SETD3: variants seen among roughly 807,000 people sequenced by gnomAD.
SETD3 encodes actin-histidine N-methyltransferase.
SETD3 carries 19 observed loss-of-function variants against 63.0 expected under a neutral mutation model. The ratio of observed to expected loss-of-function variants is 0.30; its 90% CI spans 0.21 to 0.44. The LOEUF (loss-of-function observed/expected upper bound fraction) is 0.44. SETD3 is among the 20% of genes least tolerant of loss of function. The probability of loss-of-function intolerance (pLI) is 1.00; values close to 1 mark genes in which losing one functional copy is unlikely to be tolerated. For synonymous variants in SETD3, 286 were observed against 264.1 expected, an observed-to-expected ratio of 1.08 and a Z score of -0.80; for missense variants, 587 against 728.5, an observed-to-expected ratio of 0.81 and a Z score of 2.24.
At chr14:99,451,565 G>T (rs1443709905) in intron 6 of SETD3, among the ~76,000 whole-genome samples, 1 of 152,104 alleles carries the variant, frequency 6.6e-6, no homozygotes, top group Non-Finnish European at 1.5e-5. Context: ...GGAGTACAGT[G>T]GTGTGATCAC....
intron 1 of SETD3, among the ~76,000 whole-genome samples, 162 bp from the exon 2 acceptor site, chr14:99,465,975 C>T (rs1022874716): frequency 6.6e-6 from 1 of 151,800 alleles, no homozygotes; most frequent in Non-Finnish European, 1.5e-5. Flanking sequence ...GTATTAGTAT[C>T]TAGAGGTTCT....
At chr14:99,484,043 TAAAA>T (rs957766345), upstream of SETD3, among the ~76,000 whole-genome samples, 1 of 152,150 alleles carries the variant, frequency 6.6e-6, no homozygotes. Context: ...TCAAAAAAAA[TAAAA>T]AATAAATAAA....
intron 1 of SETD3, among the ~76,000 whole-genome samples, chr14:99,468,137 C>T (rs889929508): frequency 2.0e-5 from 3 of 149,184 alleles, no homozygotes; most frequent in African/African-American, 7.4e-5. Context: ...ACCACACTGC[C>T]TCTGTTTAAA....
At chr14:99,447,542 C>A (rs117064668) in intron 6 of SETD3, among the ~76,000 whole-genome samples, 1 of 152,230 alleles carries the variant, frequency 6.6e-6, no homozygotes, top group African/African-American at 2.4e-5. Flanking sequence ...TGCTTACACA[C>A]TGAACACAAA....
chr14:99,477,380 T>C (rs1244051282), intron 1 of SETD3, among the ~76,000 whole-genome samples: 1 of 152,238 alleles, frequency 6.6e-6, no homozygotes, highest in Non-Finnish European at 1.5e-5. Context: ...AGCTAATCTC[T>C]GGCTTGAGTT....
At chr14:99,481,629 T>C (rs1460621484), upstream of SETD3, 1 of 385,412 alleles carries the variant, frequency 2.6e-6, no homozygotes, top group Non-Finnish European at 4.6e-6. Context: ...ACATTGAACT[T>C]TGCGGGCGAC....
Position 99,412,935 on chromosome 14 carries a change from G to T in SETD3, c.849+16C>A. The T allele has an allele frequency of 6.5e-7, 1 of 1,544,898 alleles. No homozygotes were observed. The highest frequency in any genetic ancestry group is 9.0e-7 in the Non-Finnish European group (1 of 1,116,948). ...GCCTCCCAGATTCAACACAACACAG[G>T]GGAAGAGGTCGTTACCAGGCCGTTG... On this transcript the variant is annotated intron_variant, in intron 8 of 12. Transcript: ENST00000331768.
chr14:99,459,306 T>C (rs990876022), intron 4 of SETD3, 121 bp from the exon 5 acceptor site: 1 of 542,158 alleles, frequency 1.8e-6, no homozygotes, highest in African/African-American at 1.9e-5. Flanking sequence ...ATATCAGCAC[T>C]TCAAATAAAT....
intron 1 of SETD3, among the ~76,000 whole-genome samples, chr14:99,476,582 A>G (rs1464983245): frequency 2.6e-5 from 4 of 152,248 alleles, no homozygotes; most frequent in African/African-American, 9.6e-5. Flanking sequence ...ACAAACAACA[A>G]ATCAAAAATG....
chr14:99,458,376 T>C lies in SETD3; in HGVS notation c.578A>G (p.Glu193Gly). 2 of 1,614,094 alleles carry C rather than the reference T, an allele frequency of 1.2e-6. No homozygotes were observed. Among genetic ancestry groups the C allele is most frequent in the East Asian group, 4.5e-5 (2 of 44,874 alleles). ...TTGTGTGGACTGAAGATACCGAACT[T>C]CATCTTCTTCAAAGTAGAGAGGAGT... The part of the protein sequence containing the change: ...YDTPLYFEED[E>G]VRYLQSTQAI... The change falls in exon 6 of 13, where the codon GAA becomes GGA. Residue 193 changes from glutamate to glycine, a missense_variant. Transcript: ENST00000331768.
chr14:99,409,625 C>T (rs554503454), intron 8 of SETD3, among the ~76,000 whole-genome samples: 2 of 152,100 alleles, frequency 1.3e-5, no homozygotes, highest in East Asian at 1.9e-4. Flanking sequence ...CATACACACA[C>T]ATCCCTAAGA....
At chr14:99,457,789 G>A (rs1342927512) in intron 6 of SETD3, among the ~76,000 whole-genome samples, 2 of 152,218 alleles carry the variant, frequency 1.3e-5, no homozygotes, top group African/African-American at 4.8e-5. Context: ...GAGCCTTATA[G>A]AGATTTCTAT....
At chr14:99,450,191 G>A (rs1226315809) in intron 6 of SETD3, among the ~76,000 whole-genome samples, 1 of 152,190 alleles carries the variant, frequency 6.6e-6, no homozygotes, top group East Asian at 1.9e-4. Flanking sequence ...AACCCTTTCC[G>A]TGAATTTCAG....
chr14:99,437,679 A>C (rs1893561728), intron 6 of SETD3, among the ~76,000 whole-genome samples: 1 of 152,178 alleles, frequency 6.6e-6, no homozygotes, highest in African/African-American at 2.4e-5. Context: ...CTGTACGTGT[A>C]TACGTGTGTG....
At chr14:99,483,657 T>C (rs1163812430), upstream of SETD3, among the ~76,000 whole-genome samples, 2 of 152,260 alleles carry the variant, frequency 1.3e-5, no homozygotes, top group African/African-American at 4.8e-5. Context: ...ATTTAGGACA[T>C]AGTCTTCCAA....
At chr14:99,446,323 A>G (rs1894127579) in intron 6 of SETD3, among the ~76,000 whole-genome samples, 1 of 152,170 alleles carries the variant, frequency 6.6e-6, no homozygotes, top group African/African-American at 2.4e-5. Flanking sequence ...TAAACGATCA[A>G]TGACAGCCTA....
At chr14:99,428,434 G>T (rs1045737901) in intron 6 of SETD3, among the ~76,000 whole-genome samples, 2 of 152,128 alleles carry the variant, frequency 1.3e-5, no homozygotes, top group African/African-American at 2.4e-5. Context: ...CACTTGAGGT[G>T]AGGAATTCGA....
chr14:99,400,006 G>T, intron 12 of SETD3, 93 bp downstream of exon 12: 1 of 1,182,346 alleles, frequency 8.5e-7, no homozygotes, highest in Non-Finnish European at 1.2e-6. Context: ...CTCCCAAAGT[G>T]CTGGGATTAC....
chr14:99,441,871 T>C (rs1893837427), intron 6 of SETD3, among the ~76,000 whole-genome samples: 1 of 152,130 alleles, frequency 6.6e-6, no homozygotes, highest in African/African-American at 2.4e-5. Flanking sequence ...GGAGCTACAT[T>C]GAGGAGGTCA....
Sources: gnomAD v4.1 joint callset for allele counts (sites outside exome capture counted in the v4.1 genomes callset) on GRCh38, gnomAD v4.1.1 for gene constraint, MANE v1.5 for transcripts, NCBI Gene and HGNC (gene_info 2026-07-23, HGNC 2026-07-21) for gene names.